PDE1C: variants seen among roughly 807,000 people sequenced by gnomAD.
PDE1C encodes the protein dual specificity calcium/calmodulin-dependent 3',5'-cyclic nucleotide phosphodiesterase 1C.
A neutral mutation model predicts 93.1 loss-of-function variants in PDE1C; 62 were observed. The ratio of observed to expected loss-of-function variants is 0.67; its 90% confidence interval spans 0.54 to 0.82. The LOEUF is 0.82. Ranked by LOEUF, PDE1C falls within the 40% of genes least tolerant of loss-of-function variation. The pLI is 0.00. For missense variants in PDE1C, 742 were observed against 884.6 expected, an observed-to-expected ratio of 0.84 and a Z score of 2.04; for synonymous variants, 325 against 310.1, an observed-to-expected ratio of 1.05 and a Z score of -0.50.
intron 1 of PDE1C, among the ~76,000 whole-genome samples, chr7:32,055,766 G>A (rs760325357): frequency 6.6e-6 from 1 of 152,194 alleles, no homozygotes; most frequent in Non-Finnish European, 1.5e-5. Context: ...TGTCGCCCAG[G>A]CTGGAGCGCA....
intron 1 of PDE1C, among the ~76,000 whole-genome samples, chr7:32,419,740 T>A (rs1195674648): frequency 6.6e-6 from 1 of 151,954 alleles, no homozygotes; most frequent in Non-Finnish European, 1.5e-5. Context: ...CTAACATAGA[T>A]GCAAAAGAGC....
intron 1 of PDE1C, among the ~76,000 whole-genome samples, chr7:32,226,068 A>C (rs1807243680): frequency 6.6e-6 from 1 of 152,178 alleles, no homozygotes; most frequent in African/African-American, 2.4e-5. Flanking sequence ...AAAAAGAAAA[A>C]AAAAGGAAAG....
At chr7:32,136,658 G>C (rs534904352) in intron 3 of PDE1C, among the ~76,000 whole-genome samples, 114 of 152,256 alleles carry the variant, frequency 7.5e-4, no homozygotes, top group African/African-American at 2.6e-3. Context: ...TGCATATTTA[G>C]TTATAAAGGC....
intron 1 of PDE1C, among the ~76,000 whole-genome samples, chr7:32,269,774 G>C (rs148381415): frequency 7.9e-5 from 12 of 151,364 alleles, no homozygotes; most frequent in African/African-American, 2.9e-4. Flanking sequence ...CACCGTGCCC[G>C]GCCTGTTTGT....
chr7:31,808,485 A>G (rs1787131736), intron 16 of PDE1C, among the ~76,000 whole-genome samples: 1 of 151,968 alleles, frequency 6.6e-6, no homozygotes, highest in African/African-American at 2.4e-5. Context: ...TGCGTTTTGC[A>G]TTGTCATTGC....
chr7:32,159,486 T>C (rs996134), intron 3 of PDE1C, among the ~76,000 whole-genome samples: 77,380 of 151,998 alleles, frequency 0.51, 19,934 homozygotes, highest in Middle Eastern at 0.66. Context: ...AACAAACAAA[T>C]GCAGTTAAAG....
intron 2 of PDE1C, among the ~76,000 whole-genome samples, chr7:31,908,056 C>G (rs1800807778): frequency 6.6e-6 from 1 of 151,980 alleles, no homozygotes; most frequent in Admixed American, 6.6e-5. Context: ...AATAGGACAA[C>G]TTTTATCTTG....
intron 3 of PDE1C, among the ~76,000 whole-genome samples, chr7:32,164,319 A>G (rs1802091655): frequency 6.6e-6 from 1 of 152,256 alleles, no homozygotes; most frequent in African/African-American, 2.4e-5. Flanking sequence ...TTAGTGCAAT[A>G]GAATAGGGCC....
intron 16 of PDE1C, among the ~76,000 whole-genome samples, chr7:31,779,007 G>A (rs1783203050): frequency 6.6e-6 from 1 of 152,092 alleles, no homozygotes; most frequent in Non-Finnish European, 1.5e-5. Flanking sequence ...TCCCAAAGTT[G>A]TCTAAGAGGA....
At position 32,096,058 on chromosome 7, in the gene PDE1C, T is replaced by C. The variant is rs182767125; in HGVS notation, c.308+73727A>G. Among the ~76,000 whole-genome samples, 5 of 152,334 alleles carry C rather than the reference T, an allele frequency of 3.3e-5. No individual in the cohort carries two copies. The East Asian group carries it at 9.6e-4, about 29-fold the overall frequency. ...TTACAAAATATTAAGATGGTACCTT[T>C]GCTACATGACATCTGAGAGCTTTAA... On this transcript the variant is annotated intron_variant, in intron 3 of 18. Coordinates refer to the PDE1C transcript ENST00000396193.
At chr7:32,154,236 G>C (rs561195820) in intron 3 of PDE1C, among the ~76,000 whole-genome samples, 49 of 152,240 alleles carry the variant, frequency 3.2e-4, no homozygotes, top group African/African-American at 1.1e-3. Flanking sequence ...TCCACCCTGG[G>C]TGACAGAGCG....
chr7:32,233,042 T>C (rs1455890938), intron 1 of PDE1C, among the ~76,000 whole-genome samples: 2 of 152,130 alleles, frequency 1.3e-5, no homozygotes, highest in African/African-American at 2.4e-5. Context: ...TTAACATGCA[T>C]GGGAAAAGGC....
Position 32,386,092 on chromosome 7 carries a change from T to TC in PDE1C, c.310+41729_310+41730insG, listed in dbSNP as rs1453564412. ...TTGTCCCTCCACCTTTTTCTTTCTT[T>TC]TTTTTTTTTTTTTTTCCAGAAACAA... On this transcript the variant is annotated intron_variant, in intron 1 of 1. Transcript: ENST00000672256. 2.6e-3 allele frequency among the ~76,000 whole-genome samples: 153 copies of TC among 57,922 alleles called. 1 individual carries two copies. The highest frequency in any genetic ancestry group is 6.7e-3 in the Middle Eastern group (1 of 150). 38.0% of individuals were successfully genotyped at this position (57,922 alleles called of 152,430 possible). A position where few individuals can be genotyped will look rare whatever the true frequency, so the allele number is the denominator to read the frequency against.
At chr7:32,397,259 G>A (rs1585141816) in intron 1 of PDE1C, among the ~76,000 whole-genome samples, 1 of 151,854 alleles carries the variant, frequency 6.6e-6, no homozygotes, top group East Asian at 1.9e-4. Context: ...AAATTGAGAG[G>A]GACTAATGCC....
Position 32,035,797 on chromosome 7 carries a change from GTCTATTAGCA to G in PDE1C, c.128+15747_128+15756del, listed in dbSNP as rs564617597. On this transcript the variant is annotated intron_variant, in intron 2 of 17. Transcript: ENST00000396191. The stretch of plus-strand genomic sequence containing the variant: ...AATCATCTCTGTCCAAGTGTATAGA[GTCTATTAGCA>G]GAGGGCAGCTCTTGCTTCTGATGGC... Among the ~76,000 whole-genome samples, 822 of 152,302 alleles carry G rather than the reference GTCTATTAGCA, an allele frequency of 5.4e-3. 4 individuals carry two copies. Among genetic ancestry groups the G allele is most frequent in the Non-Finnish European group, 8.0e-3 (544 of 68,022 alleles).
At chr7:31,667,157 A>G in the PDE1C span, among the ~76,000 whole-genome samples, 1 of 152,122 alleles carries the variant, frequency 6.6e-6, no homozygotes, top group Non-Finnish European at 1.5e-5. Flanking sequence ...TCATACTAGA[A>G]GCAGATGGTG....
intron 7 of PDE1C, among the ~76,000 whole-genome samples, chr7:31,855,280 A>G (rs1277312090): frequency 6.6e-6 from 1 of 151,938 alleles, no homozygotes; most frequent in Non-Finnish European, 1.5e-5. Context: ...AACCTTTTCC[A>G]CAGTTTCCCT....
intron 2 of PDE1C, among the ~76,000 whole-genome samples, chr7:31,911,867 G>C (rs1186996302): frequency 6.6e-6 from 1 of 152,116 alleles, no homozygotes; most frequent in East Asian, 1.9e-4. Context: ...TTACTTCTTT[G>C]AAAGTGTGCT....
At chr7:31,820,727 C>G (rs1788853646) in intron 14 of PDE1C, 1 of 152,122 alleles carries the variant, frequency 6.6e-6, no homozygotes, top group South Asian at 2.1e-4. Context: ...CACCAGTCAA[C>G]CAGTCAACAG....
Sources: allele counts gnomAD v4.1 joint callset (sites outside exome capture counted in the v4.1 genomes callset), GRCh38; gene constraint gnomAD v4.1.1; transcripts MANE v1.5; gene names NCBI Gene and HGNC (gene_info 2026-07-23, HGNC 2026-07-21).